The following VSIG10 variants were observed in gnomAD, a reference collection of about 807,000 sequenced individuals.
The protein encoded by VSIG10 is V-set and immunoglobulin domain-containing protein 10.
VSIG10 carries 48 observed loss-of-function variants against 58.7 expected under a neutral mutation model. That is an observed-to-expected ratio of 0.82 (90% CI 0.65 to 1.04). VSIG10 has a LOEUF of 1.04. VSIG10 is among the 50% of genes least tolerant of loss of function. The pLI is 0.00. For synonymous variants in VSIG10, 260 were observed against 267.1 expected (o/e 0.97, Z 0.26); for missense variants, 628 against 670.0 (o/e 0.94, Z 0.69).
Position 118,071,287 on chromosome 12 carries a change from G to C in VSIG10, c.1330+72C>G, listed in dbSNP as rs542093559. On this transcript the variant is annotated intron_variant, in intron 6 of 8. Transcript: ENST00000359236. ...AGAACTTCAGGTGGGAGCAAGGCAG[G>C]GGCCATCCTTCCCCATCCCGCACCT... The C allele has an allele frequency of 9.6e-5, 139 of 1,454,796 alleles. 1 individual carries two copies. The South Asian group carries it at 1.2e-3, about 13-fold the overall frequency. 90.1% of individuals were successfully genotyped at this position (1,454,796 alleles called of 1,614,324 possible). A position where few individuals can be genotyped will look rare whatever the true frequency, so the allele number is the denominator to read the frequency against.
intron 5 of VSIG10, among the ~76,000 whole-genome samples, chr12:118,072,618 G>T (rs775886997): frequency 2.6e-5 from 4 of 152,136 alleles, no homozygotes; most frequent in Admixed American, 1.3e-4. Flanking sequence ...AACACTTTGG[G>T]AGGCTGAGAT....
At chr12:118,075,509 C>T (rs985602428) in intron 4 of VSIG10, among the ~76,000 whole-genome samples, 2 of 152,060 alleles carry the variant, frequency 1.3e-5, no homozygotes, top group African/African-American at 2.4e-5. Context: ...GTGCCTGCCA[C>T]CATGCCTGGC....
intron 4 of VSIG10, among the ~76,000 whole-genome samples, chr12:118,075,088 A>G (rs773713390): frequency 1.8e-4 from 26 of 148,120 alleles, no homozygotes; most frequent in Non-Finnish European, 3.3e-4. Flanking sequence ...CATAGTATAT[A>G]TATGTATATA....
intron 2 of VSIG10, among the ~76,000 whole-genome samples, chr12:118,084,652 G>GT (rs1390503941): frequency 6.6e-6 from 1 of 152,122 alleles, no homozygotes; most frequent in Non-Finnish European, 1.5e-5. Context: ...GCCGAGGTGG[G>GT]TGGATCGCTT....
At chr12:118,100,185 C>T (rs902671800) in intron 1 of VSIG10, among the ~76,000 whole-genome samples, 15 of 151,984 alleles carry the variant, frequency 9.9e-5, no homozygotes. Context: ...GCCTGGCCAA[C>T]ATGGTGAAAC....
At position 118,064,641 on chromosome 12, in the gene VSIG10, C is replaced by T. The variant is rs1027690440; in HGVS notation, c.*1998G>A. 1.6e-4 allele frequency: 24 copies of T among 152,050 alleles called. No homozygotes were observed. Among genetic ancestry groups the T allele is most frequent in the East Asian group, 5.8e-4 (3 of 5,200 alleles). 9.4% of individuals were successfully genotyped at this position (152,050 alleles called of 1,614,324 possible). On this transcript the variant is annotated 3_prime_UTR_variant, in exon 9 of 9. Coordinates refer to ENST00000359236, the MANE Select transcript of VSIG10 (RefSeq NM_019086.6). ...TTACACTGTTGAGAATGGTTAAGTA[C>T]GTGGGGTACCTTGCAGCAAAAGACA...
At chr12:118,074,970 C>T (rs577129438) in intron 4 of VSIG10, among the ~76,000 whole-genome samples, 1 of 152,058 alleles carries the variant, frequency 6.6e-6, no homozygotes, top group East Asian at 1.9e-4. Context: ...CCTTTTATGA[C>T]AGTATATTGT....
At chr12:118,088,152 G>A (rs559368963) in intron 2 of VSIG10, among the ~76,000 whole-genome samples, 4 of 151,102 alleles carry the variant, frequency 2.6e-5, no homozygotes, top group African/African-American at 7.3e-5. Flanking sequence ...ACCTAAGGCA[G>A]GAGAATCACC....
rs374897815 is a variant in VSIG10 at position 118,068,440 on chromosome 12, T to C, written c.1504A>G (p.Arg502Gly). The change falls in exon 8 of 9, where the codon AGA becomes GGA. Residue 502 changes from arginine to glycine, a missense_variant. Coordinates refer to ENST00000359236, the MANE Select transcript of VSIG10 (RefSeq NM_019086.6). The part of the protein sequence containing the change: ...KEIPKQDHIH[R>G]VTALVNGNIE... ...TTCCCATTCACCAAGGCGGTCACTC[T>C]GTGAATGTGGTCCTGCTTAGGTATT... 6.6e-5 allele frequency: 106 copies of C among 1,613,820 alleles called. No individual in the cohort carries two copies. Among genetic ancestry groups the C allele is most frequent in the Non-Finnish European group, 1.4e-5 (17 of 1,179,902 alleles).
intron 3 of VSIG10, among the ~76,000 whole-genome samples, chr12:118,079,884 A>C (rs1164791092): frequency 6.6e-6 from 1 of 152,044 alleles, no homozygotes; most frequent in Non-Finnish European, 1.5e-5. Flanking sequence ...CCCAGGCTGG[A>C]GGGCAGTGGT....
intron 1 of VSIG10, among the ~76,000 whole-genome samples, chr12:118,100,539 CT>C (rs982135479): frequency 3.3e-5 from 5 of 151,020 alleles, no homozygotes; most frequent in Non-Finnish European, 4.4e-5. Flanking sequence ...TATTTATTTA[CT>C]TTTTTTTTGA....
At chr12:118,094,837 A>C (rs1376112068) in intron 2 of VSIG10, among the ~76,000 whole-genome samples, 1 of 151,334 alleles carries the variant, frequency 6.6e-6, no homozygotes, top group Non-Finnish European at 1.5e-5. Context: ...CCCAGGTTCA[A>C]GCAATTCTCC....
At chr12:118,071,281 A>T (rs7135400) in intron 6 of VSIG10, 78 bp downstream of exon 6, 861,464 of 1,429,940 alleles carry the variant, frequency 0.6, 266,875 homozygotes, top group East Asian at 0.99. Flanking sequence ...GGTGGGAGCA[A>T]GGCAGGGGCC....
chr12:118,103,610 G>A lies in VSIG10; in HGVS notation c.62C>T (p.Ala21Val). The change falls in exon 1 of 9, where the codon GCC becomes GTC. Residue 21 changes from alanine (A) to valine (V), a missense_variant. Physicochemically the swap from Ala to Val is moderately conservative, Grantham distance 64. Transcript: ENST00000359236. ...CCCCTTACCTACGGCGACCCAGCCG[G>A]CCAGGAGCGCCCCGAGGCAGACGAG... ...RVLVCLGALL[A>V]GWVAVGLEAV... The A allele has an allele frequency of 1.3e-6, 2 of 1,521,054 alleles. No homozygotes were observed. The highest frequency in any genetic ancestry group is 1.8e-6 in the Non-Finnish European group (2 of 1,140,382). 94.2% of individuals were successfully genotyped at this position (1,521,054 alleles called of 1,614,324 possible). A position where few individuals can be genotyped will look rare whatever the true frequency, so the allele number is the denominator to read the frequency against.
intron 1 of VSIG10, among the ~76,000 whole-genome samples, chr12:118,099,389 C>T (rs1308205516): frequency 6.6e-6 from 1 of 152,098 alleles, no homozygotes; most frequent in Non-Finnish European, 1.5e-5. Flanking sequence ...TCCACTCAGA[C>T]CCACCTCGGG....
At chr12:118,077,435 A>G (rs188392158) in intron 4 of VSIG10, among the ~76,000 whole-genome samples, 1 of 152,100 alleles carries the variant, frequency 6.6e-6, no homozygotes, top group African/African-American at 2.4e-5. Flanking sequence ...ATCTGGACCT[A>G]TCTTACTTGT....
At chr12:118,071,998 C>A (rs35298010) in intron 5 of VSIG10, among the ~76,000 whole-genome samples, 1 of 151,698 alleles carries the variant, frequency 6.6e-6, no homozygotes, top group Middle Eastern at 3.2e-3. Flanking sequence ...GTTAAAACCC[C>A]GTCTCTACTA....
intron 4 of VSIG10, 102 bp from the exon 5 acceptor site, chr12:118,074,094 T>G (rs1191204896): frequency 7.3e-7 from 1 of 1,363,090 alleles, no homozygotes; most frequent in Non-Finnish European, 9.8e-7. Context: ...TGTTTTGTTT[T>G]GTTTTGAGAT....
chr12:118,084,085 A>G lies in VSIG10; in HGVS notation c.362-1656T>C, dbSNP rs75759930. 3.0e-3 allele frequency among the ~76,000 whole-genome samples: 459 copies of G among 152,044 alleles called. 1 individual carries two copies. Among genetic ancestry groups the G allele is most frequent in the African/African-American group, 0.01 (434 of 41,470 alleles). On this transcript the variant is annotated intron_variant, in intron 2 of 8. Transcript: ENST00000359236. ...CAGTGAGCTGTGATTGTGCCAGTACACTCCAGCCTGGGTGACACAATGAGA... is the reference window on the plus strand; with the variant it reads ...CAGTGAGCTGTGATTGTGCCAGTACGCTCCAGCCTGGGTGACACAATGAGA...
Sources: allele counts gnomAD v4.1 joint callset (sites outside exome capture counted in the v4.1 genomes callset), GRCh38; gene constraint gnomAD v4.1.1; transcripts MANE v1.5; gene names NCBI Gene and HGNC (gene_info 2026-07-23, HGNC 2026-07-21).